ALDH16A1: variants seen among roughly 807,000 people sequenced by gnomAD.
The protein encoded by ALDH16A1 is aldehyde dehydrogenase family 16 member A1.
Under a neutral mutation model 96.1 loss-of-function variants are expected in ALDH16A1, and 88 were observed. The ratio of observed to expected loss-of-function variants is 0.92; its 90% CI spans 0.77 to 1.09. The LOEUF is 1.09. ALDH16A1 is among the 50% of genes least tolerant of loss of function. The probability of loss-of-function intolerance (pLI) is 0.00; values close to 1 mark genes in which losing one functional copy is unlikely to be tolerated. For synonymous variants in ALDH16A1, 522 were observed against 496.4 expected, an observed-to-expected ratio of 1.05 and a Z score of -0.69; for missense variants, 1,250 against 1,112.6, an observed-to-expected ratio of 1.12 and a Z score of -1.76.
chr19:49,454,471 G>C (rs1046466103), intron 1 of ALDH16A1, among the ~76,000 whole-genome samples: 1 of 151,932 alleles, frequency 6.6e-6, no homozygotes, highest in East Asian at 1.9e-4. Context: ...GATCCCCTGG[G>C]GGTCCTCAGA....
rs948679603 is a variant in ALDH16A1, at chr19:49,461,788, C to G, written c.747C>G (p.Cys249Trp). 2 of 1,610,454 alleles carry G rather than the reference C, an allele frequency of 1.2e-6. No homozygotes were observed. Among genetic ancestry groups the G allele is most frequent in the Non-Finnish European group, 1.7e-6 (2 of 1,178,560 alleles). Residue 249 changes from cysteine (C) to tryptophan (W), a missense_variant, in exon 6 of 17, where the codon TGC (cysteine) becomes TGG (tryptophan). Coordinates refer to ENST00000293350, the MANE Select transcript of ALDH16A1 (RefSeq NM_153329.4). ...CTGGAATCCGGAAGGTGGCCTTCTG[C>G]GGAGCCCCGGAGGTACCTTCGGGAC... ...SQPGIRKVAF[C>W]GAPEEGRALR...
intron 7 of ALDH16A1, among the ~76,000 whole-genome samples, chr19:49,462,260 G>A (rs929504768): frequency 2.6e-5 from 4 of 152,008 alleles, no homozygotes; most frequent in South Asian, 2.1e-4. Flanking sequence ...TCAGCCTCCC[G>A]AGTAGCTGGG....
intron 1 of ALDH16A1, among the ~76,000 whole-genome samples, chr19:49,456,107 G>C (rs4802607): frequency 0.37 from 56,602 of 151,950 alleles, 11,433 homozygotes; most frequent in South Asian, 0.51. Context: ...CATTCTTTTG[G>C]AATTTTGTTT....
chr19:49,460,232 G>C (rs952858476), intron 4 of ALDH16A1, among the ~76,000 whole-genome samples: 5 of 151,768 alleles, frequency 3.3e-5, no homozygotes, highest in Non-Finnish European at 7.4e-5. Flanking sequence ...TTTTTCTTTT[G>C]TTTTTGTTTT....
intron 5 of ALDH16A1, among the ~76,000 whole-genome samples, chr19:49,461,320 G>A (rs111212196): frequency 0.14 from 2,243 of 16,164 alleles, 43 homozygotes; most frequent in Middle Eastern, 0.25. Flanking sequence ...AGGGAGGAGG[G>A]GCTGGGACCT....
At chr19:49,469,606 A>T (rs1205397370) in intron 16 of ALDH16A1, 4 of 61,648 alleles carry the variant, frequency 6.5e-5, no homozygotes, top group Non-Finnish European at 1.4e-4. Context: ...TTTGAGACAG[A>T]GTCTCACTCT....
At position 49,464,197 on chromosome 19, in the gene ALDH16A1, C is replaced by T. The variant is rs143098791; in HGVS notation, c.1265C>T (p.Thr422Met). ...AKEALLVANGTPRGGSASVWS... is the reference protein window; with the variant it reads ...AKEALLVANGMPRGGSASVWS... ...GAGGCACTGTTGGTGGCCAACGGGA[C>T]GCCCCGCGGGGGCAGCGCCAGTGTG... Residue 422 changes from threonine to methionine, a missense_variant, in exon 10 of 17, where the codon ACG becomes ATG. Coordinates refer to ENST00000293350, the MANE Select transcript of ALDH16A1 (RefSeq NM_153329.4). The T allele has an allele frequency of 9.9e-4, 1,586 of 1,606,864 alleles. 3 individuals are homozygous for T. Among genetic ancestry groups the T allele is most frequent in the Non-Finnish European group, 1.2e-3 (1,430 of 1,179,448 alleles).
chr19:49,469,813 T>A (rs992157632), intron 16 of ALDH16A1: 2 of 152,926 alleles, frequency 1.3e-5, no homozygotes, highest in Admixed American at 1.3e-4. Context: ...ACTCCTGACC[T>A]CGCGTGATCT....
At chr19:49,469,365 T>C in intron 16 of ALDH16A1, 1 of 160,000 alleles carries the variant, frequency 6.3e-6, no homozygotes, top group Admixed American at 6.3e-5. Context: ...CCGTCCCACC[T>C]CAGCTTCCTG....
At chr19:49,456,041 G>A (rs1281741770) in intron 1 of ALDH16A1, among the ~76,000 whole-genome samples, 2 of 152,146 alleles carry the variant, frequency 1.3e-5, no homozygotes, top group Non-Finnish European at 2.9e-5. Flanking sequence ...TCCATGAATC[G>A]TTAAGCTCCT....
At chr19:49,465,997 C>A in intron 13 of ALDH16A1, 85 bp from the exon 14 acceptor site, 1 of 1,541,012 alleles carries the variant, frequency 6.5e-7, no homozygotes, top group Non-Finnish European at 8.8e-7. Flanking sequence ...GCTGGGCCCC[C>A]AGGGTAGGGG....
chr19:49,462,582 C>T lies in ALDH16A1; in HGVS notation c.925C>T (p.Leu309Phe). The T allele has an allele frequency of 1.9e-6, 3 of 1,612,946 alleles. No homozygotes were observed. The highest frequency in any genetic ancestry group is 2.5e-6 in the Non-Finnish European group (3 of 1,179,898). ...CTTTTCCTCACAGGGTGGCCTCAGGCTCCTCATCCAGGAGTCTGTGTGGGA... is the reference window on the plus strand; with the variant it reads ...CTTTTCCTCACAGGGTGGCCTCAGGTTCCTCATCCAGGAGTCTGTGTGGGA... The part of the protein sequence containing the change: ...WSDRGPGGLR[L>F]LIQESVWDEA... Residue 309 changes from leucine to phenylalanine, a missense_variant, in exon 8 of 17, where the codon CTC (leucine) becomes TTC (phenylalanine). Physicochemically the swap from Leu to Phe is conservative, Grantham distance 22 (BLOSUM62 0). Transcript: ENST00000293350.
At position 49,468,591 on chromosome 19, in the gene ALDH16A1, C is replaced by T. The variant is rs1311127530; in HGVS notation, c.2124+25C>T. 1 of 1,598,930 alleles carries T rather than the reference C, an allele frequency of 6.3e-7. No homozygotes were observed. The highest frequency in any genetic ancestry group is 1.1e-5 in the South Asian group (1 of 90,940). On this transcript the variant is annotated intron_variant, in intron 15 of 16. Transcript: ENST00000293350. This position sits in a 1 kb window ranked among gnomAD's most constrained non-coding sequence, Gnocchi z 4.4. ...GGTATAGCCCCCTGCCTTCCTGCCT[C>T]TCCTCCCCGTAGCCTCAGGGCAGCA...
At position 49,453,459 on chromosome 19, in the gene ALDH16A1, C is replaced by T. The variant is rs1169280011; in HGVS notation, c.90+38C>T. ...CCGGCCGGCGCTGCTCGCTGCGTTC[C>T]CCAGGCCTGGGCGCCCGGTTTTTCG... On this transcript the variant is annotated intron_variant, in intron 1 of 16. Transcript: ENST00000293350. 9 of 1,495,508 alleles carry T rather than the reference C, an allele frequency of 6.0e-6. No individual in the cohort carries two copies. In the South Asian group the frequency reaches 1.1e-4, roughly 18 times the overall value. The allele number at this position is 1,495,508 out of a possible 1,614,324, so 92.6% of individuals were successfully genotyped here. A position where few individuals can be genotyped will look rare whatever the true frequency, so the allele number is the denominator to read the frequency against.
chr19:49,466,079 C>T lies in ALDH16A1; in HGVS notation c.1737-3C>T, dbSNP rs1314526238. The T allele has an allele frequency of 1.3e-6, 2 of 1,541,744 alleles. No homozygotes were observed. The highest frequency in any genetic ancestry group is 1.2e-5 in the South Asian group (1 of 84,094). On this transcript the variant is annotated splice_region_variant and splice_polypyrimidine_tract_variant and intron_variant, in intron 13 of 16. Transcript: ENST00000293350. Reference sequence around the variant, plus strand: ...ACCCCCACTGTGCGCTGTCTGCCCACAGCTGGGCGGGCCAGTCCCCAGGAG... The same window carrying T: ...ACCCCCACTGTGCGCTGTCTGCCCATAGCTGGGCGGGCCAGTCCCCAGGAG...
At position 49,468,636 on chromosome 19, in the gene ALDH16A1, C is replaced by T. The variant is rs562421538; in HGVS notation, c.2124+70C>T. 7.1e-5 allele frequency: 111 copies of T among 1,553,128 alleles called. No individual in the cohort carries two copies. In the African/African-American group the frequency reaches 1.1e-3, roughly 15 times the overall value. On this transcript the variant is annotated intron_variant, in intron 15 of 16. Transcript: ENST00000293350. This position sits in a 1 kb window ranked among gnomAD's most constrained non-coding sequence, Gnocchi z 4.4. ...GCAGCAGAAAAAGGCGCCCCAAAGT[C>T]GGCAGGAGCTTGTCTCTTACCCCAC...
At position 49,461,869 on chromosome 19, in the gene ALDH16A1, G is replaced by T. The variant is rs187190066; in HGVS notation, c.760-15G>T. 723 of 1,571,356 alleles carry T rather than the reference G, an allele frequency of 4.6e-4. 3 individuals carry two copies. In the African/African-American group the frequency reaches 7.7e-3, roughly 17 times the overall value. ...GCAAGGCTCCTCCTGCGGCTGAACT[G>T]GGGGGGGTCCCTAGGAAGGGCGTGC... On this transcript the variant is annotated splice_polypyrimidine_tract_variant and intron_variant, in intron 6 of 16. Coordinates refer to ENST00000293350, the MANE Select transcript of ALDH16A1 (RefSeq NM_153329.4).
chr19:49,462,683 G>T lies in ALDH16A1; in HGVS notation c.1026G>T (p.Met342Ile). 6.2e-7 allele frequency: 1 copy of T among 1,608,332 alleles called. No homozygotes were observed. Among genetic ancestry groups the T allele is most frequent in the Non-Finnish European group, 8.5e-7 (1 of 1,178,550 alleles). ...GAGGGCTGGATGGGGCCGTGGACAT[G>T]GGGGCCCGGGGGGCTGCCGCATGTG... ...SGRGLDGAVD[M>I]GARGAAACDL... The change falls in exon 8 of 17, where the codon ATG becomes ATT. Residue 342 changes from methionine (M) to isoleucine (I), a missense_variant. Coordinates refer to ENST00000293350, the MANE Select transcript of ALDH16A1 (RefSeq NM_153329.4).
In ALDH16A1 at chr19:49,461,700, T is replaced by C. The variant is rs1447062014; in HGVS notation, c.659T>C (p.Phe220Ser). The stretch of plus-strand genomic sequence containing the variant: ...CAGCTGGCGGGGGAGCTGGGCCCCT[T>C]CCCGGGAATCCTGAATGTCCTCAGT... ...LAQLAGELGPFPGILNVLSGP... is the reference protein window; with the variant it reads ...LAQLAGELGPSPGILNVLSGP... Residue 220 changes from phenylalanine to serine, a missense_variant, in exon 6 of 17, where the codon TTC becomes TCC. Physicochemically the swap from Phe to Ser is radical, Grantham distance 155 (BLOSUM62 -2). Coordinates refer to ENST00000293350, the MANE Select transcript of ALDH16A1 (RefSeq NM_153329.4). The C allele has an allele frequency of 6.2e-7, 1 of 1,609,100 alleles. No individual in the cohort carries two copies. Among genetic ancestry groups the C allele is most frequent in the Non-Finnish European group, 8.5e-7 (1 of 1,177,898 alleles).
Sources: gnomAD v4.1 joint callset for allele counts (sites outside exome capture counted in the v4.1 genomes callset) on GRCh38, gnomAD v4.1.1 for gene constraint, Gnocchi (gnomAD v3.1) non-coding constraint, MANE v1.5 for transcripts, NCBI Gene and HGNC (gene_info 2026-07-23, HGNC 2026-07-21) for gene names.